The following ILKAP variants were observed in gnomAD, a reference collection of about 807,000 sequenced individuals.
The protein encoded by ILKAP is ILK associated serine/threonine phosphatase.
A neutral mutation model predicts 49.1 loss-of-function variants in ILKAP; 11 were observed. The ratio of observed to expected loss-of-function variants is 0.22; its 90% CI spans 0.14 to 0.37. ILKAP has a LOEUF of 0.37. Among genes scored for constraint, ILKAP ranks in the 10% least tolerant of loss-of-function variants. The pLI is 1.00. For synonymous variants in ILKAP, 186 were observed against 192.8 expected, an observed-to-expected ratio of 0.96 and a Z score of 0.29; for missense variants, 363 against 510.8, an observed-to-expected ratio of 0.71 and a Z score of 2.79.
chr2:238,191,198 G>C (rs141715547), intron 3 of ILKAP, among the ~76,000 whole-genome samples: 1 of 150,548 alleles, frequency 6.6e-6, no homozygotes. Context: ...GCCCAGGCTC[G>C]AGTGCAGTGA....
chr2:238,171,538 T>C lies in ILKAP; in HGVS notation c.957-514A>G, dbSNP rs187315805. On this transcript the variant is annotated intron_variant, in intron 10 of 11. Coordinates refer to ENST00000254654, the MANE Select transcript of ILKAP (RefSeq NM_030768.3). Reference sequence around the variant, plus strand: ...CTTACAAGTATTTGTGGATAGGATGTTATACATCAAAACTGAGACTATCCT... The same window carrying C: ...CTTACAAGTATTTGTGGATAGGATGCTATACATCAAAACTGAGACTATCCT... Among the ~76,000 whole-genome samples the C allele has an allele frequency of 1.6e-3, 245 of 152,354 alleles. 3 individuals carry two copies. The highest frequency in any genetic ancestry group is 0.014 in the Admixed American group (212 of 15,298).
At chr2:238,171,795 C>T (rs550573219) in intron 10 of ILKAP, among the ~76,000 whole-genome samples, 5 of 152,136 alleles carry the variant, frequency 3.3e-5, no homozygotes, top group Non-Finnish European at 7.3e-5. Flanking sequence ...CATCCAAGAC[C>T]GAGGCCCAAG....
chr2:238,202,718 C>G (rs1171595271), intron 1 of ILKAP, among the ~76,000 whole-genome samples: 4 of 151,994 alleles, frequency 2.6e-5, no homozygotes, highest in Admixed American at 6.6e-5. Context: ...CAGATGAAAC[C>G]CGGAGACTGT....
At chr2:238,171,985 C>T (rs1693239963) in intron 10 of ILKAP, among the ~76,000 whole-genome samples, 1 of 152,114 alleles carries the variant, frequency 6.6e-6, no homozygotes, top group East Asian at 1.9e-4. Flanking sequence ...GTATAAGCCA[C>T]CCTCCTTTTC....
intron 9 of ILKAP, among the ~76,000 whole-genome samples, chr2:238,175,356 A>C (rs1693404652): frequency 6.6e-6 from 1 of 152,094 alleles, no homozygotes; most frequent in African/African-American, 2.4e-5. Context: ...AGCCTCCCAA[A>C]GTGCTGAGAT....
At chr2:238,173,729 A>C in intron 9 of ILKAP, 76 bp from the exon 10 acceptor site, 1 of 1,484,398 alleles carries the variant, frequency 6.7e-7, no homozygotes, top group Non-Finnish European at 9.2e-7. Context: ...CTCACCTTAA[A>C]AGCAGAGAAT....
At chr2:238,172,039 G>GT (rs556453687) in intron 10 of ILKAP, among the ~76,000 whole-genome samples, 79 of 151,406 alleles carry the variant, frequency 5.2e-4, no homozygotes, top group African/African-American at 1.7e-3. Flanking sequence ...TTTTTTCTTT[G>GT]TTTTTTGTTG....
chr2:238,196,755 T>C (rs776041714), intron 1 of ILKAP, among the ~76,000 whole-genome samples: 9 of 152,236 alleles, frequency 5.9e-5, no homozygotes, highest in Non-Finnish European at 1.2e-4. Flanking sequence ...AATAACTATT[T>C]TGCTTTATAT....
rs57511265 is a variant in ILKAP at position 238,190,877 on chromosome 2, TAAAAAAAAAAA to T, written c.179-916_179-906del. ...GGCAAAGTAGTAAGACGTTTCTCTT[TAAAAAAAAAAA>T]AAAAAAAAAAAAAAAAAGGATGCAA... On this transcript the variant is annotated intron_variant, in intron 3 of 11. Transcript: ENST00000254654. 2.4e-4 allele frequency among the ~76,000 whole-genome samples: 23 copies of T among 95,140 alleles called. No individual in the cohort carries two copies. In the South Asian group the frequency reaches 7.4e-3, roughly 30 times the overall value. 62.4% of individuals were successfully genotyped at this position (95,140 alleles called of 152,430 possible).
At chr2:238,195,823 G>T (rs890605199) in intron 1 of ILKAP, among the ~76,000 whole-genome samples, 1 of 151,798 alleles carries the variant, frequency 6.6e-6, no homozygotes, top group African/African-American at 2.4e-5. Context: ...TGGGAGGATT[G>T]CTTGAGTCCC....
chr2:238,197,737 G>A (rs1242784937), intron 1 of ILKAP, among the ~76,000 whole-genome samples: 1 of 152,132 alleles, frequency 6.6e-6, no homozygotes, highest in Non-Finnish European at 1.5e-5. Flanking sequence ...GGAATACTAT[G>A]AGAGGTATTT....
chr2:238,193,028 T>C (rs1445123846), intron 3 of ILKAP, among the ~76,000 whole-genome samples: 1 of 151,696 alleles, frequency 6.6e-6, no homozygotes, highest in African/African-American at 2.4e-5. Flanking sequence ...AAAAAAAATG[T>C]GTTAACTTCT....
chr2:238,182,816 G>GACTTA (rs1442024977), intron 8 of ILKAP, among the ~76,000 whole-genome samples: 1 of 152,170 alleles, frequency 6.6e-6, no homozygotes, highest in African/African-American at 2.4e-5. Flanking sequence ...AACACATGTG[G>GACTTA]GCTAAGGCCA....
chr2:238,202,600 C>A (rs971082467), intron 1 of ILKAP, among the ~76,000 whole-genome samples: 3 of 152,156 alleles, frequency 2.0e-5, no homozygotes, highest in Admixed American at 1.3e-4. Flanking sequence ...GAAATCTGAA[C>A]GTCTTAAGTT....
At position 238,175,249 on chromosome 2, in the gene ILKAP, C is replaced by T. The variant is rs182598740; in HGVS notation, c.837-1596G>A. On this transcript the variant is annotated intron_variant, in intron 9 of 11. Coordinates refer to ENST00000254654, the MANE Select transcript of ILKAP (RefSeq NM_030768.3). ...GAGTAGCTAGAACTACAGGTGTCAC[C>T]AAGTCCAGGTAAATAAAAAAAAAAT... Among the ~76,000 whole-genome samples the T allele has an allele frequency of 6.4e-3, 964 of 151,784 alleles. 33 individuals are homozygous for T. The highest frequency in any genetic ancestry group is 1.7e-3 in the Non-Finnish European group (114 of 67,938).
intron 9 of ILKAP, among the ~76,000 whole-genome samples, chr2:238,179,913 G>A (rs781768829): frequency 6.6e-6 from 1 of 152,182 alleles, no homozygotes; most frequent in Admixed American, 6.5e-5. Context: ...GCAGGGTGCA[G>A]TGGCTCACAC....
chr2:238,185,133 A>T, intron 6 of ILKAP, 48 bp downstream of exon 6: 1 of 1,202,892 alleles, frequency 8.3e-7, no homozygotes, highest in Non-Finnish European at 1.2e-6. Context: ...AGCCAACCAA[A>T]CAGCAATAAC....
chr2:238,202,737 G>A (rs1694621272), intron 1 of ILKAP, among the ~76,000 whole-genome samples: 1 of 152,088 alleles, frequency 6.6e-6, no homozygotes, highest in Non-Finnish European at 1.5e-5. Context: ...GTAACCCACA[G>A]GACGCAGGGA....
chr2:238,188,928 A>G (rs966046840), intron 4 of ILKAP, among the ~76,000 whole-genome samples: 1 of 152,256 alleles, frequency 6.6e-6, no homozygotes, highest in African/African-American at 2.4e-5. Context: ...ACATCTTCCC[A>G]GCAAAGCTAC....
Sources: allele counts gnomAD v4.1 joint callset (sites outside exome capture counted in the v4.1 genomes callset), GRCh38; gene constraint gnomAD v4.1.1; transcripts MANE v1.5; gene names NCBI Gene and HGNC (gene_info 2026-07-23, HGNC 2026-07-21).